The following DYNC2H1 variants were observed in gnomAD, a reference collection of about 807,000 sequenced individuals.
The protein encoded by DYNC2H1 is cytoplasmic dynein 2 heavy chain 1.
A neutral mutation model predicts 570.0 loss-of-function variants in DYNC2H1; 410 were observed. The ratio of observed to expected loss-of-function variants is 0.72; its 90% CI spans 0.66 to 0.78. The LOEUF (loss-of-function observed/expected upper bound fraction) is 0.78. DYNC2H1 is among the 30% of genes least tolerant of loss of function. The pLI, the probability that DYNC2H1 is intolerant of heterozygous loss-of-function variation, is 0.00. For synonymous variants in DYNC2H1, 1,688 were observed against 1,677.6 expected (o/e 1.01, Z -0.15); for missense variants, 4,865 against 5,046.4 (o/e 0.96, Z 1.09).
chr11:103,270,748 G>A (rs544255337), intron 70 of DYNC2H1, among the ~76,000 whole-genome samples: 7 of 152,298 alleles, frequency 4.6e-5, no homozygotes, highest in African/African-American at 1.7e-4. Context: ...ACAGGATGGA[G>A]CCAGACAGCA....
chr11:103,155,639 AT>A, intron 25 of DYNC2H1, 138 bp downstream of exon 25: 2 of 838,836 alleles, frequency 2.4e-6, no homozygotes, highest in African/African-American at 1.8e-5. Flanking sequence ...AACACAAATC[AT>A]TTTACATAAA....
chr11:103,188,754 A>G, intron 44 of DYNC2H1, 106 bp downstream of exon 44: 1 of 969,814 alleles, frequency 1.0e-6, no homozygotes, highest in South Asian at 4.1e-5. Flanking sequence ...GAATATAAAA[A>G]TGGTCAAACT....
intron 83 of DYNC2H1, among the ~76,000 whole-genome samples, chr11:103,371,399 A>G (rs1565535575): frequency 6.6e-6 from 1 of 152,212 alleles, no homozygotes; most frequent in Non-Finnish European, 1.5e-5. Flanking sequence ...CAAAAGGATA[A>G]TAACGAGAGC....
Position 103,435,878 on chromosome 11 carries a change from G to A in DYNC2H1, c.12367-65G>A, listed in dbSNP as rs1329683185. On this transcript the variant is annotated intron_variant, in intron 84 of 88. Coordinates refer to ENST00000375735, the MANE Select transcript of DYNC2H1 (RefSeq NM_001377.3). ...CAAAATTTTTCTCCATCACACTAGT[G>A]TTAGTAGTCTTCTATATGTAGTATC... The A allele has an allele frequency of 7.2e-6, 11 of 1,522,084 alleles. No individual in the cohort carries two copies. In the East Asian group the frequency reaches 1.6e-4, roughly 23 times the overall value. 94.3% of individuals were successfully genotyped at this position (1,522,084 alleles called of 1,614,324 possible). A position where few individuals can be genotyped will look rare whatever the true frequency, so the allele number is the denominator to read the frequency against.
intron 36 of DYNC2H1, among the ~76,000 whole-genome samples, chr11:103,175,806 G>C (rs1030350363): frequency 6.6e-6 from 1 of 152,104 alleles, no homozygotes; most frequent in African/African-American, 2.4e-5. Context: ...TAATATTGCT[G>C]TGCCTTTTCT....
At position 103,283,017 on chromosome 11, in the gene DYNC2H1, C is replaced by CA. The variant is rs766275230; in HGVS notation, c.10828dup (p.Ile3610AsnfsTer3). 3.1e-6 allele frequency: 5 copies of CA among 1,599,188 alleles called. No individual in the cohort carries two copies. Among genetic ancestry groups the CA allele is most frequent in the African/African-American group, 2.7e-5 (2 of 74,508 alleles). On this transcript the variant is annotated frameshift_variant, in exon 73 of 89. Transcript: ENST00000375735. LOFTEE classifies it high-confidence loss of function. Reference sequence around the variant, plus strand: ...ATTGCTTTTATTAAAGGACTCTCAACAAAAAATACGTGATCAGCTTCCGTC... The same window carrying CA: ...ATTGCTTTTATTAAAGGACTCTCAACAAAAAAATACGTGATCAGCTTCCGTC...
chr11:103,160,968 A>G lies in DYNC2H1; in HGVS notation c.4415A>G (p.His1472Arg). The G allele has an allele frequency of 1.3e-6, 2 of 1,570,140 alleles. No individual in the cohort carries two copies. The highest frequency in any genetic ancestry group is 1.7e-6 in the Non-Finnish European group (2 of 1,161,760). The change falls in exon 29 of 89, where the codon CAT becomes CGT. Residue 1472 changes from histidine to arginine, a missense_variant. Coordinates refer to ENST00000375735, the MANE Select transcript of DYNC2H1 (RefSeq NM_001377.3). The stretch of plus-strand genomic sequence containing the variant: ...GTTTGCTTTGATGAGAAATCAAAAC[A>G]TATAACTGCAATGAAATCTTTAGAG... ...NSVCFDEKSK[H>R]ITAMKSLEGE...
chr11:103,410,371 A>C (rs1943033225), intron 84 of DYNC2H1, among the ~76,000 whole-genome samples: 1 of 152,020 alleles, frequency 6.6e-6, no homozygotes, highest in Non-Finnish European at 1.5e-5. Context: ...CTCATGAGCT[A>C]CACCTTGACC....
chr11:103,312,717 A>C (rs548822365), intron 79 of DYNC2H1, among the ~76,000 whole-genome samples: 1 of 152,256 alleles, frequency 6.6e-6, no homozygotes, highest in African/African-American at 2.4e-5. Flanking sequence ...ATTGTATTAA[A>C]GTATTAAGAA....
intron 83 of DYNC2H1, among the ~76,000 whole-genome samples, chr11:103,360,568 C>A (rs1298942635): frequency 1.3e-5 from 2 of 152,038 alleles, no homozygotes; most frequent in South Asian, 2.1e-4. Flanking sequence ...TATGAATGGT[C>A]ATTTATAATA....
chr11:103,287,689 T>G, intron 75 of DYNC2H1, 84 bp downstream of exon 75: 1 of 1,087,452 alleles, frequency 9.2e-7, no homozygotes, highest in Non-Finnish European at 1.3e-6. Flanking sequence ...TTAGCCTGAG[T>G]TTAGAAATGT....
rs60223334 is a variant in DYNC2H1 at position 103,423,408 on chromosome 11, TAAAAAAAAAA to T, written c.12367-12514_12367-12505del. On this transcript the variant is annotated intron_variant, in intron 84 of 88. Transcript: ENST00000375735. Reference sequence around the variant, plus strand: ...ATTAAATAGCCAAAAGCCAAAAAAGTAAAAAAAAAAAAAAAAAAAAAAAAAAAAAACCCTG... The same window carrying T: ...ATTAAATAGCCAAAAGCCAAAAAAGTAAAAAAAAAAAAAAAAAAAACCCTG... Among the ~76,000 whole-genome samples the T allele has an allele frequency of 2.7e-3, 322 of 120,474 alleles. 1 individual carries two copies. The highest frequency in any genetic ancestry group is 8.4e-3 in the African/African-American group (307 of 36,684). 79.0% of individuals were successfully genotyped at this position (120,474 alleles called of 152,430 possible). A position where few individuals can be genotyped will look rare whatever the true frequency, so the allele number is the denominator to read the frequency against.
chr11:103,199,104 T>G lies in DYNC2H1; in HGVS notation c.7840-124T>G, dbSNP rs1591396043. The G allele has an allele frequency of 1.7e-6, 1 of 599,978 alleles. No homozygotes were observed. The highest frequency in any genetic ancestry group is 3.3e-5 in the South Asian group (1 of 30,490). The allele number at this position is 599,978 out of a possible 1,614,324, so 37.2% of individuals were successfully genotyped here. A position where few individuals can be genotyped will look rare whatever the true frequency, so the allele number is the denominator to read the frequency against. On this transcript the variant is annotated intron_variant, in intron 48 of 88. Coordinates refer to ENST00000375735, the MANE Select transcript of DYNC2H1 (RefSeq NM_001377.3). The surrounding 1 kb of genome is among the most constrained non-coding windows in gnomAD (Gnocchi z 4.6). ...ATAAAATATTGAGTGTGAGATGATA[T>G]GTAGTCACTTTACTTTTTTTCTTGA...
At chr11:103,217,437 T>C (rs1565403935) in intron 55 of DYNC2H1, among the ~76,000 whole-genome samples, 1 of 152,162 alleles carries the variant, frequency 6.6e-6, no homozygotes, top group Non-Finnish European at 1.5e-5. Flanking sequence ...TAGAGATCAC[T>C]GGAATGTGGT....
chr11:103,316,610 A>G lies in DYNC2H1; in HGVS notation c.11715A>G (p.Arg3905=), dbSNP rs1377466844. 6.5e-7 allele frequency: 1 copy of G among 1,534,748 alleles called. No homozygotes were observed. Among genetic ancestry groups the G allele is most frequent in the Admixed American group, 2.1e-5 (1 of 48,634 alleles). Reference sequence around the variant, plus strand: ...GGGCTGGGTACAACATTATTGACAGACTTTTTGATGGTAAGTTCTAACAAA... The same window carrying G: ...GGGCTGGGTACAACATTATTGACAGGCTTTTTGATGGTAAGTTCTAACAAA... The part of the protein sequence containing the change: ...DLRAGYNIID[R]LFDGAKDVQW... The change falls in exon 80 of 89, where the codon AGA becomes AGG. Residue 3905 remains arginine (R), a synonymous_variant. Transcript: ENST00000375735.
chr11:103,258,115 T>C (rs540506843), intron 69 of DYNC2H1, among the ~76,000 whole-genome samples: 9 of 152,330 alleles, frequency 5.9e-5, no homozygotes, highest in African/African-American at 2.2e-4. Flanking sequence ...ATCCTTGTTG[T>C]TTAAGGCAGT....
intron 84 of DYNC2H1, among the ~76,000 whole-genome samples, chr11:103,414,111 G>A (rs1402370558): frequency 5.9e-5 from 9 of 152,100 alleles, no homozygotes; most frequent in Non-Finnish European, 1.2e-4. Context: ...TATGCATAAT[G>A]AGCCAAAATA....
rs1864340213 is a variant in DYNC2H1, at chr11:103,239,369, ATAAG to A, written c.9819+2834_9819+2837del. On this transcript the variant is annotated intron_variant, in intron 63 of 88. Transcript: ENST00000375735. The surrounding 1 kb of genome is among the most constrained non-coding windows in gnomAD (Gnocchi z 4.3). ...TAGGAAAAAGTTTTTCAATCCTTAC[ATAAG>A]TAATAACAATAATCAATACTTGCGT... Among the ~76,000 whole-genome samples, 1 of 152,218 alleles carries A rather than the reference ATAAG, an allele frequency of 6.6e-6. No individual in the cohort carries two copies. Among genetic ancestry groups the A allele is most frequent in the African/African-American group, 2.4e-5 (1 of 41,460 alleles).
intron 65 of DYNC2H1, among the ~76,000 whole-genome samples, chr11:103,251,455 GATAC>G (rs1864830286): frequency 6.6e-6 from 1 of 152,012 alleles, no homozygotes; most frequent in African/African-American, 2.4e-5. Context: ...TATATTATGA[GATAC>G]ATATATATCA....
Sources: allele counts gnomAD v4.1 joint callset (sites outside exome capture counted in the v4.1 genomes callset), GRCh38; gene constraint gnomAD v4.1.1; non-coding constraint Gnocchi (gnomAD v3.1); transcripts MANE v1.5; gene names NCBI Gene and HGNC (gene_info 2026-07-23, HGNC 2026-07-21).